The following NUP98 variants were observed in gnomAD, a reference collection of about 807,000 sequenced individuals.
NUP98 encodes nuclear pore complex protein Nup98-Nup96.
Under a neutral mutation model 191.9 loss-of-function variants are expected in NUP98, and 26 were observed. The observed-to-expected ratio is 0.14, with a 90% CI of 0.10 to 0.19. The LOEUF (loss-of-function observed/expected upper bound fraction) is 0.19, where lower values mean the gene tolerates loss of function less well. NUP98 is among the 10% of genes least tolerant of loss of function. The pLI is 1.00. For synonymous variants in NUP98, 808 were observed against 778.4 expected (o/e 1.04, Z -0.63); for missense variants, 1,941 against 2,178.8 (o/e 0.89, Z 2.17).
In NUP98 at chr11:3,683,100, G is replaced by T. The variant is rs2078026618; in HGVS notation, c.4918+100C>A. The T allele has an allele frequency of 2.6e-6, 4 of 1,517,506 alleles. No individual in the cohort carries two copies. In the South Asian group the frequency reaches 3.8e-5, roughly 15 times the overall value. 94.0% of individuals were successfully genotyped at this position (1,517,506 alleles called of 1,614,324 possible). On this transcript the variant is annotated intron_variant, in intron 30 of 32. Coordinates refer to ENST00000324932, the MANE Select transcript of NUP98 (RefSeq NM_016320.5). Reference sequence around the variant, plus strand: ...GTATGATTTGATTCAAGATGGCCATGTCCTACGTTGAGTCTTATTTCCAGT... The same window carrying T: ...GTATGATTTGATTCAAGATGGCCATTTCCTACGTTGAGTCTTATTTCCAGT...
chr11:3,760,706 C>A, intron 9 of NUP98, 80 bp from the exon 10 acceptor site: 1 of 1,203,490 alleles, frequency 8.3e-7, no homozygotes, highest in Non-Finnish European at 1.2e-6. Context: ...CTCAGGTATA[C>A]TGGGTTGGGT....
At chr11:3,725,561 T>C (rs2079583976) in intron 14 of NUP98, among the ~76,000 whole-genome samples, 1 of 152,238 alleles carries the variant, frequency 6.6e-6, no homozygotes, top group Admixed American at 6.5e-5. Context: ...ATCATCTGTA[T>C]ACTCTCCAAA....
intron 18 of NUP98, among the ~76,000 whole-genome samples, chr11:3,719,143 A>AAAATG (rs767684438): frequency 2.0e-5 from 3 of 152,090 alleles, no homozygotes; most frequent in Non-Finnish European, 2.9e-5. Flanking sequence ...TAATAATAGT[A>AAAATG]AAATGAAATG....
chr11:3,751,784 G>A (rs1003174205), intron 11 of NUP98, among the ~76,000 whole-genome samples: 5 of 151,884 alleles, frequency 3.3e-5, no homozygotes, highest in African/African-American at 1.2e-4. Context: ...GTTTGAGCCT[G>A]GGAGGTAGAG....
intron 8 of NUP98, 150 bp from the exon 9 acceptor site, chr11:3,763,189 C>A: frequency 4.2e-6 from 3 of 714,862 alleles, no homozygotes; most frequent in African/African-American, 1.8e-5. Context: ...TTCAAAACAA[C>A]CCTGAAAAGC....
intron 16 of NUP98, among the ~76,000 whole-genome samples, chr11:3,721,635 G>C (rs1489830742): frequency 6.6e-6 from 1 of 152,020 alleles, no homozygotes; most frequent in Admixed American, 6.6e-5. Flanking sequence ...GGAGGCAGAG[G>C]ATGCAGTGAG....
Position 3,702,843 on chromosome 11 carries a change from T to A in NUP98, c.3132A>T (p.Pro1044=). 1 of 1,613,678 alleles carries A rather than the reference T, an allele frequency of 6.2e-7. No individual in the cohort carries two copies. The highest frequency in any genetic ancestry group is 8.5e-7 in the Non-Finnish European group (1 of 1,179,750). The change falls in exon 23 of 33, where the codon CCA becomes CCT. Residue 1044 remains proline, a synonymous_variant. Transcript: ENST00000324932. ...TACGACATTCTTGCACAGAGACACT[T>A]GGTGAAAGAAAAGCTCCACTTGTAA... ...SKFTSGAFLS[P]SVSVQECRTP...
chr11:3,714,818 A>G (rs2079126086), intron 18 of NUP98: 1 of 152,424 alleles, frequency 6.6e-6, no homozygotes. Context: ...CTTGTGAGGG[A>G]CCATGCTAAT....
chr11:3,775,057 T>C (rs560963050), intron 5 of NUP98, among the ~76,000 whole-genome samples: 42 of 152,300 alleles, frequency 2.8e-4, no homozygotes, highest in African/African-American at 9.9e-4. Flanking sequence ...TCCACATGTT[T>C]CTGTAAACAA....
chr11:3,712,177 C>A (rs1429726919), intron 20 of NUP98: 1 of 1,069,876 alleles, frequency 9.3e-7, no homozygotes, highest in Non-Finnish European at 1.1e-6. Flanking sequence ...TTTTAAAAAA[C>A]CATGGAGGTA....
Position 3,675,735 on chromosome 11 carries a change from A to T in NUP98, c.*424T>A, listed in dbSNP as rs2133986327. On this transcript the variant is annotated 3_prime_UTR_variant, in exon 33 of 33. Transcript: ENST00000324932. ...TCTGTGGATAGTTCATCTGTTAAGG[A>T]TCCATTATCACCTGTCTCACTCCTC... 1 of 291,210 alleles carries T rather than the reference A, an allele frequency of 3.4e-6. No homozygotes were observed. The highest frequency in any genetic ancestry group is 2.1e-5 in the African/African-American group (1 of 47,394). 18.0% of individuals were successfully genotyped at this position (291,210 alleles called of 1,614,324 possible).
intron 24 of NUP98, 91 bp from the exon 25 acceptor site, chr11:3,699,439 A>G (rs1422857637): frequency 1.4e-6 from 2 of 1,388,978 alleles, no homozygotes; most frequent in African/African-American, 1.4e-5. Flanking sequence ...TTAAAAATAC[A>G]TAAATTAATA....
chr11:3,751,682 G>A (rs551823819), intron 11 of NUP98, among the ~76,000 whole-genome samples: 12 of 151,668 alleles, frequency 7.9e-5, no homozygotes, highest in East Asian at 2.0e-4. Context: ...AAAACAGGTC[G>A]ACCTCATCTC....
chr11:3,760,700 G>A, intron 9 of NUP98, 74 bp from the exon 10 acceptor site: 3 of 1,255,368 alleles, frequency 2.4e-6, no homozygotes, highest in Non-Finnish European at 3.3e-6. Context: ...GGTTACCTCA[G>A]GTATACTGGG....
At position 3,705,087 on chromosome 11, in the gene NUP98, T is replaced by C. The variant is rs889704200; in HGVS notation, c.3082+113A>G. 8 of 931,190 alleles carry C rather than the reference T, an allele frequency of 8.6e-6. No homozygotes were observed. The African/African-American group carries it at 1.3e-4, about 15-fold the overall frequency. 57.7% of individuals were successfully genotyped at this position (931,190 alleles called of 1,614,324 possible). ...TAGCACCCTTATGTCACAGGTATAG[T>C]TGTTTGGCAGATACTTGCTAGAGAA... is the stretch of plus-strand genomic sequence containing the variant. On this transcript the variant is annotated intron_variant, in intron 22 of 32. Transcript: ENST00000324932.
chr11:3,776,048 G>C, intron 4 of NUP98, 27 bp from the exon 5 acceptor site: 1 of 1,566,784 alleles, frequency 6.4e-7, no homozygotes, highest in Non-Finnish European at 8.7e-7. Flanking sequence ...AAAATGAGAC[G>C]ATAACAGTAA....
chr11:3,712,381 CAGTAAAA>C lies in NUP98; in HGVS notation c.2742+176_2742+182del, dbSNP rs776645786. 1.6e-4 allele frequency: 222 copies of C among 1,392,934 alleles called. 1 individual carries two copies. The highest frequency in any genetic ancestry group is 2.0e-4 in the Non-Finnish European group (211 of 1,078,010). 86.3% of individuals were successfully genotyped at this position (1,392,934 alleles called of 1,614,324 possible). A position where few individuals can be genotyped will look rare whatever the true frequency, so the allele number is the denominator to read the frequency against. ...AGCAAGAGAATTCTTTAAATCTCTC[CAGTAAAA>C]AGACAGATGCCTGCAAGACCTCACG... On this transcript the variant is annotated intron_variant, in intron 20 of 32. Transcript: ENST00000324932.
At chr11:3,796,506 AG>A (rs1219597384) in intron 1 of NUP98, among the ~76,000 whole-genome samples, 3 of 152,264 alleles carry the variant, frequency 2.0e-5, no homozygotes, top group African/African-American at 7.2e-5. Flanking sequence ...GCTCTAGGTT[AG>A]GGTACCACTA....
At chr11:3,733,560 C>G (rs1272705364) in intron 13 of NUP98, among the ~76,000 whole-genome samples, 1 of 152,188 alleles carries the variant, frequency 6.6e-6, no homozygotes, top group Non-Finnish European at 1.5e-5. Context: ...GATCTCCCCA[C>G]CTCGGCCTCC....
Sources: allele counts gnomAD v4.1 joint callset (sites outside exome capture counted in the v4.1 genomes callset), GRCh38; gene constraint gnomAD v4.1.1; transcripts MANE v1.5; gene names NCBI Gene and HGNC (gene_info 2026-07-23, HGNC 2026-07-21).